TTC28: variants seen among roughly 807,000 people sequenced by gnomAD.
The protein encoded by TTC28 is tetratricopeptide repeat domain 28.
Under a neutral mutation model 198.0 loss-of-function variants are expected in TTC28, and 61 were observed. The observed-to-expected ratio is 0.31, with a 90% CI of 0.25 to 0.38. TTC28 has a LOEUF of 0.38. Ranked by LOEUF, TTC28 falls within the 10% of genes least tolerant of loss-of-function variation. TTC28 has a pLI of 1.00. For synonymous variants in TTC28, 1,171 were observed against 1,297.8 expected (o/e 0.90, Z 2.10); for missense variants, 2,678 against 3,164.0 (o/e 0.85, Z 3.69).
intron 5 of TTC28, among the ~76,000 whole-genome samples, chr22:28,204,128 A>G (rs1926200673): frequency 6.6e-6 from 1 of 152,138 alleles, no homozygotes; most frequent in South Asian, 2.1e-4. Flanking sequence ...ATGCCAAAGC[A>G]TGTGTCTGTT....
At chr22:28,577,433 G>T (rs1308591920) in intron 2 of TTC28, among the ~76,000 whole-genome samples, 1 of 152,074 alleles carries the variant, frequency 6.6e-6, no homozygotes, top group Non-Finnish European at 1.5e-5. Flanking sequence ...AGAAAAATGT[G>T]TATTCTGTAG....
chr22:28,534,569 A>G (rs1406244537), intron 2 of TTC28, among the ~76,000 whole-genome samples: 1 of 152,208 alleles, frequency 6.6e-6, no homozygotes, highest in African/African-American at 2.4e-5. Flanking sequence ...CTGAGTATAT[A>G]CCCAAAGGAT....
chr22:28,083,807 C>T (rs1723483896), intron 12 of TTC28, among the ~76,000 whole-genome samples: 1 of 152,178 alleles, frequency 6.6e-6, no homozygotes, highest in Non-Finnish European at 1.5e-5. Flanking sequence ...CGGGTCACTC[C>T]CACCCTCATA....
intron 2 of TTC28, among the ~76,000 whole-genome samples, chr22:28,520,980 C>G (rs1646440955): frequency 6.6e-6 from 1 of 151,946 alleles, no homozygotes; most frequent in Non-Finnish European, 1.5e-5. Context: ...TTGAACCTGG[C>G]AGGCGGAGGT....
At chr22:28,201,434 C>T (rs370625289) in intron 5 of TTC28, among the ~76,000 whole-genome samples, 29 of 151,970 alleles carry the variant, frequency 1.9e-4, no homozygotes, top group African/African-American at 6.3e-4. Flanking sequence ...GAAGGCTTAT[C>T]AGAGAAACTG....
intron 2 of TTC28, among the ~76,000 whole-genome samples, chr22:28,470,338 T>C (rs949471939): frequency 6.6e-6 from 1 of 152,208 alleles, no homozygotes; most frequent in Non-Finnish European, 1.5e-5. Flanking sequence ...AACATCTTGC[T>C]ATTGGGTTCC....
intron 5 of TTC28, among the ~76,000 whole-genome samples, chr22:28,257,739 CATATATATATATATATATATATATATAT>C (rs66590909): frequency 0.057 from 5,511 of 96,682 alleles, 664 homozygotes; most frequent in African/African-American, 0.24. Flanking sequence ...GGTAATAGAA[CATATATATATATATATATATATATATAT>C]ATATATATAT....
At chr22:28,426,736 T>A (rs557957575) in intron 2 of TTC28, among the ~76,000 whole-genome samples, 1 of 152,260 alleles carries the variant, frequency 6.6e-6, no homozygotes, top group South Asian at 2.1e-4. Context: ...TTCCTTGACC[T>A]CCCCTCTAAT....
intron 3 of TTC28, among the ~76,000 whole-genome samples, chr22:28,304,360 T>C (rs190686880): frequency 6.6e-6 from 1 of 151,830 alleles, no homozygotes; most frequent in African/African-American, 2.4e-5. Context: ...GAGAGGTCAT[T>C]AAGATGTGGG....
chr22:28,552,271 G>A (rs2049687498), intron 2 of TTC28, among the ~76,000 whole-genome samples: 1 of 152,132 alleles, frequency 6.6e-6, no homozygotes, highest in South Asian at 2.1e-4. Context: ...GCTCATGGAT[G>A]AGTAGAATCA....
At chr22:28,140,361 A>G (rs111961216) in intron 6 of TTC28, among the ~76,000 whole-genome samples, 3 of 152,338 alleles carry the variant, frequency 2.0e-5, no homozygotes, top group African/African-American at 7.2e-5. Context: ...CGGCTCTAGA[A>G]CTAATAAGGT....
At chr22:28,608,611 A>T (rs2050770630) in intron 2 of TTC28, among the ~76,000 whole-genome samples, 1 of 152,212 alleles carries the variant, frequency 6.6e-6, no homozygotes, top group Non-Finnish European at 1.5e-5. Context: ...TACTGTGTGC[A>T]TTCCCAAGAA....
intron 2 of TTC28, among the ~76,000 whole-genome samples, chr22:28,417,126 C>T (rs1220614728): frequency 1.3e-5 from 2 of 151,694 alleles, no homozygotes; most frequent in Admixed American, 6.6e-5. Flanking sequence ...CGGTGACTCA[C>T]ACTTGTAATC....
At chr22:28,012,538 G>A (rs1453119759) in intron 14 of TTC28, among the ~76,000 whole-genome samples, 1 of 152,050 alleles carries the variant, frequency 6.6e-6, no homozygotes, top group African/African-American at 2.4e-5. Context: ...TTGAGATATG[G>A]TTCAGTTCTG....
At chr22:28,058,131 G>C (rs1940367355) in intron 12 of TTC28, among the ~76,000 whole-genome samples, 1 of 151,754 alleles carries the variant, frequency 6.6e-6, no homozygotes, top group South Asian at 2.1e-4. Context: ...AAATATTTTA[G>C]GCTTACGGGC....
intron 2 of TTC28, among the ~76,000 whole-genome samples, chr22:28,409,898 C>T (rs1173690871): frequency 2.1e-5 from 3 of 145,200 alleles, no homozygotes; most frequent in African/African-American, 2.6e-5. Context: ...CCTCATGATC[C>T]GCCCATCTCA....
Position 28,071,276 on chromosome 22 carries a change from T to C in TTC28, c.3932+22804A>G, listed in dbSNP as rs1318030407. On this transcript the variant is annotated intron_variant, in intron 12 of 22. Transcript: ENST00000397906. ...TAAATCATGCTGCTATAAAGACACATGCACACGTATGTTTATTGCGGCATT... is the reference window on the plus strand; with the variant it reads ...TAAATCATGCTGCTATAAAGACACACGCACACGTATGTTTATTGCGGCATT... 2.0e-5 allele frequency among the ~76,000 whole-genome samples: 3 copies of C among 151,872 alleles called. No individual in the cohort carries two copies. The East Asian group carries it at 5.8e-4, about 29-fold the overall frequency.
At position 28,556,188 on chromosome 22, in the gene TTC28, G is replaced by A. The variant is rs980995197; in HGVS notation, c.381+73364C>T. Among the ~76,000 whole-genome samples, 26 of 152,078 alleles carry A rather than the reference G, an allele frequency of 1.7e-4. 2 individuals carry two copies. Among genetic ancestry groups the A allele is most frequent in the Admixed American group, 1.0e-3 (16 of 15,268 alleles). ...AGCCTGGCCAACATAGTAAAACCCC[G>A]TCTCTACTAAAAATACAAAATTAGC... On this transcript the variant is annotated intron_variant, in intron 2 of 22. Coordinates refer to ENST00000397906, the MANE Select transcript of TTC28 (RefSeq NM_001145418.2).
chr22:27,995,203 C>T (rs968715122), intron 17 of TTC28, among the ~76,000 whole-genome samples: 11 of 152,174 alleles, frequency 7.2e-5, no homozygotes, highest in Non-Finnish European at 1.5e-4. Flanking sequence ...CAGGCTGCAT[C>T]GACGCTGCCC....
Sources: allele counts gnomAD v4.1 joint callset (sites outside exome capture counted in the v4.1 genomes callset), GRCh38; gene constraint gnomAD v4.1.1; transcripts MANE v1.5; gene names NCBI Gene and HGNC (gene_info 2026-07-23, HGNC 2026-07-21).